Variants in RNF180 observed in about 807,000 individuals in gnomAD.
RNF180 encodes E3 ubiquitin-protein ligase RNF180.
A neutral mutation model predicts 59.2 loss-of-function variants in RNF180; 38 were observed. The ratio of observed to expected loss-of-function variants is 0.64; its 90% CI spans 0.50 to 0.84. RNF180 has a LOEUF of 0.84. Among genes scored for constraint, RNF180 ranks in the 40% least tolerant of loss-of-function variants. The pLI, the probability that RNF180 is intolerant of heterozygous loss-of-function variation, is 0.00. For synonymous variants in RNF180, 262 were observed against 240.3 expected (o/e 1.09, Z -0.84); for missense variants, 705 against 700.9 (o/e 1.01, Z -0.07).
At chr5:64,321,172 A>G (rs929013033) in intron 5 of RNF180, among the ~76,000 whole-genome samples, 3 of 152,206 alleles carry the variant, frequency 2.0e-5, no homozygotes, top group Admixed American at 1.3e-4. Context: ...GGCCAGGGCA[A>G]TCAGGCAAGA....
chr5:64,366,021 GTTGT>G (rs1746434281), intron 7 of RNF180, among the ~76,000 whole-genome samples: 1 of 151,458 alleles, frequency 6.6e-6, no homozygotes, highest in South Asian at 2.1e-4. Flanking sequence ...TATGTTGTTA[GTTGT>G]TTATTATGCC....
intron 5 of RNF180, among the ~76,000 whole-genome samples, chr5:64,294,675 CAT>C (rs1333191024): frequency 2.0e-5 from 3 of 152,154 alleles, no homozygotes; most frequent in Non-Finnish European, 2.9e-5. Context: ...TTCATAAAAA[CAT>C]ATAACATTGT....
chr5:64,173,847 C>G (rs1046436414), intron 1 of RNF180, among the ~76,000 whole-genome samples: 4 of 151,904 alleles, frequency 2.6e-5, no homozygotes, highest in African/African-American at 9.7e-5. Flanking sequence ...TCCTGAGTAG[C>G]TGGGATTATA....
intron 5 of RNF180, among the ~76,000 whole-genome samples, chr5:64,311,902 C>A (rs886804846): frequency 6.6e-6 from 1 of 151,828 alleles, no homozygotes; most frequent in Non-Finnish European, 1.5e-5. Context: ...CTCTTCAGGC[C>A]AATGAAAGAG....
intron 5 of RNF180, among the ~76,000 whole-genome samples, chr5:64,254,440 G>A (rs1476871297): frequency 2.0e-5 from 3 of 152,118 alleles, no homozygotes; most frequent in African/African-American, 7.2e-5. Context: ...TAACAAAAAA[G>A]TATTTTATGC....
rs1263380917 is a variant in RNF180, at chr5:64,300,722, C to G, written c.1228-24464C>G. On this transcript the variant is annotated intron_variant, in intron 5 of 7. Coordinates refer to ENST00000389100, the MANE Select transcript of RNF180 (RefSeq NM_001113561.2). ...CAAACATTAGATTCTCCCACTTCTT[C>G]CTACTCTCCCCTGCCATTGCACAGC... Among the ~76,000 whole-genome samples, 6 of 151,762 alleles carry G rather than the reference C, an allele frequency of 4.0e-5. 1 individual carries two copies. Among genetic ancestry groups the G allele is most frequent in the Non-Finnish European group, 1.5e-5 (1 of 67,808 alleles).
intron 5 of RNF180, among the ~76,000 whole-genome samples, chr5:64,218,886 T>C (rs766843253): frequency 6.6e-6 from 1 of 152,226 alleles, no homozygotes; most frequent in Non-Finnish European, 1.5e-5. Context: ...AAACACTATT[T>C]TTGTTTTGAC....
intron 2 of RNF180, among the ~76,000 whole-genome samples, chr5:64,208,667 G>A (rs573584424): frequency 6.6e-6 from 1 of 151,938 alleles, no homozygotes; most frequent in Non-Finnish European, 1.5e-5. Context: ...TATAGTTGAG[G>A]TGTCTGTGTT....
intron 7 of RNF180, 123 bp from the exon 8 acceptor site, chr5:64,369,492 A>G: frequency 1.9e-6 from 1 of 522,540 alleles, no homozygotes; most frequent in Non-Finnish European, 3.2e-6. Flanking sequence ...AACTGTCAGG[A>G]ATACAACATA....
At chr5:64,174,959 C>CT (rs370660214) in intron 1 of RNF180, among the ~76,000 whole-genome samples, 18,030 of 84,148 alleles carry the variant, frequency 0.21, 5,097 homozygotes, top group African/African-American at 0.3. Context: ...TAATCCAGTT[C>CT]TTTTTTTTTT....
rs1382354251 is a variant in RNF180 at position 64,195,932 on chromosome 5, G to A, written c.1-4876G>A. 2.0e-5 allele frequency among the ~76,000 whole-genome samples: 3 copies of A among 152,146 alleles called. No individual in the cohort carries two copies. The East Asian group carries it at 5.8e-4, about 29-fold the overall frequency. The stretch of plus-strand genomic sequence containing the variant: ...AATCTAACATGTATATCTTTGGGAC[G>A]TGGGAGGAAACTGCAGTGCCCACAG... On this transcript the variant is annotated intron_variant, in intron 1 of 7. Transcript: ENST00000389100.
intron 7 of RNF180, among the ~76,000 whole-genome samples, chr5:64,360,399 T>C (rs1676634768): frequency 6.6e-6 from 1 of 151,758 alleles, no homozygotes; most frequent in African/African-American, 2.4e-5. Flanking sequence ...AAATTAGGTA[T>C]TGATGTAACA....
rs533531467 is a variant in RNF180 at position 64,262,536 on chromosome 5, AAT to A, written c.1227+45143_1227+45144del. The stretch of plus-strand genomic sequence containing the variant: ...AAACTACCAATGAGTGTGAATTTGA[AAT>A]ATGTGTGATTTACCAGTAACAGGCT... On this transcript the variant is annotated intron_variant, in intron 5 of 7. Transcript: ENST00000389100. Among the ~76,000 whole-genome samples the A allele has an allele frequency of 2.8e-4, 43 of 152,224 alleles. 1 individual carries two copies. The South Asian group carries it at 8.7e-3, about 31-fold the overall frequency.
chr5:64,166,544 G>A (rs1028274878), intron 1 of RNF180, among the ~76,000 whole-genome samples: 3 of 152,200 alleles, frequency 2.0e-5, no homozygotes, highest in South Asian at 2.1e-4. Flanking sequence ...GCGGAGGTGG[G>A]GAGATGGTCC....
chr5:64,263,416 GA>G lies in RNF180; in HGVS notation c.1227+46021del, dbSNP rs1241328532. Among the ~76,000 whole-genome samples, 3 of 152,264 alleles carry G rather than the reference GA, an allele frequency of 2.0e-5. No individual in the cohort carries two copies. The East Asian group carries it at 5.8e-4, about 29-fold the overall frequency. ...AGAGATGTGCACAGTTAGCTCTTTT[GA>G]GTTAGTATGAGTTGTCTCTAGCACA... On this transcript the variant is annotated intron_variant, in intron 5 of 7. Transcript: ENST00000389100.
rs1387510341 is a variant in RNF180 at position 64,325,238 on chromosome 5, A to C, written c.1280A>C (p.Lys427Thr). ...GAAGACAATGAATATGCAGAAGAAA[A>C]GGATAGCTACATCTGTGCAGTGTGT... ...TDEDNEYAEE[K>T]DSYICAVCLD... The change falls in exon 6 of 8, where the codon AAG (lysine) becomes ACG (threonine). Residue 427 changes from lysine to threonine, a missense_variant. By Grantham distance (78) the Lys-to-Thr change is moderately conservative. Coordinates refer to ENST00000389100, the MANE Select transcript of RNF180 (RefSeq NM_001113561.2). The C allele has an allele frequency of 1.9e-6, 3 of 1,551,466 alleles. No homozygotes were observed. Among genetic ancestry groups the C allele is most frequent in the Non-Finnish European group, 1.7e-6 (2 of 1,146,810 alleles).
At chr5:64,286,212 T>G (rs1742274995) in intron 5 of RNF180, among the ~76,000 whole-genome samples, 2 of 152,224 alleles carry the variant, frequency 1.3e-5, no homozygotes, top group Non-Finnish European at 2.9e-5. Context: ...TCATTTAGAT[T>G]AACAAGTATG....
At chr5:64,207,970 T>G (rs1221328314) in intron 2 of RNF180, among the ~76,000 whole-genome samples, 1 of 152,106 alleles carries the variant, frequency 6.6e-6, no homozygotes, top group Non-Finnish European at 1.5e-5. Context: ...TGCAAAGGGT[T>G]AAACATCTTC....
intron 5 of RNF180, among the ~76,000 whole-genome samples, chr5:64,261,343 C>G (rs149239210): frequency 6.6e-6 from 1 of 152,142 alleles, no homozygotes; most frequent in Non-Finnish European, 1.5e-5. Context: ...CATTTCCTAG[C>G]ATCCACCTTT....
Sources: gnomAD v4.1 joint callset for allele counts (sites outside exome capture counted in the v4.1 genomes callset) on GRCh38, gnomAD v4.1.1 for gene constraint, MANE v1.5 for transcripts, NCBI Gene and HGNC (gene_info 2026-07-23, HGNC 2026-07-21) for gene names.